TNFRSF1B: variants seen among roughly 807,000 people sequenced by gnomAD.
TNFRSF1B encodes tumor necrosis factor receptor superfamily member 1B.
A neutral mutation model predicts 44.6 loss-of-function variants in TNFRSF1B; 19 were observed. The observed-to-expected ratio is 0.43, with a 90% CI of 0.30 to 0.62. The LOEUF (loss-of-function observed/expected upper bound fraction) is 0.62, where lower values mean the gene tolerates loss of function less well. Ranked by LOEUF, TNFRSF1B falls within the 20% of genes least tolerant of loss-of-function variation. The pLI is 0.16. For missense variants in TNFRSF1B, 541 were observed against 619.9 expected (o/e 0.87, Z 1.35); for synonymous variants, 252 against 261.1 (o/e 0.97, Z 0.34).
intron 9 of TNFRSF1B, among the ~76,000 whole-genome samples, chr1:12,205,234 G>C (rs551871225): frequency 1.3e-5 from 2 of 152,226 alleles, no homozygotes; most frequent in Non-Finnish European, 2.9e-5. Flanking sequence ...CACTAGAGAA[G>C]AGCTCTCTAG....
chr1:12,185,024 G>A (rs1638950019), intron 1 of TNFRSF1B, among the ~76,000 whole-genome samples: 1 of 152,224 alleles, frequency 6.6e-6, no homozygotes, highest in Admixed American at 6.5e-5. Context: ...CTGCCCTTGG[G>A]GAAGCGCCCA....
chr1:12,194,545 G>A (rs1429321144), intron 7 of TNFRSF1B, 39 bp from the exon 8 acceptor site: 2 of 1,613,672 alleles, frequency 1.2e-6, no homozygotes, highest in South Asian at 1.1e-5. Flanking sequence ...ATGTGCCTGA[G>A]GAAGTCAATC....
At position 12,192,946 on chromosome 1, in the gene TNFRSF1B, G is replaced by A. The variant is rs1481054773; in HGVS notation, c.635G>A (p.Gly212Glu). The A allele has an allele frequency of 6.2e-7, 1 of 1,614,010 alleles. No individual in the cohort carries two copies. The highest frequency in any genetic ancestry group is 1.3e-5 in the African/African-American group (1 of 74,884). Reference protein sequence around the residue: ...STSPTRSMAPGAVHLPQPVST... With the variant: ...STSPTRSMAPEAVHLPQPVST... ...TCCCCCACCCGGAGTATGGCCCCAG[G>A]GGCAGTACACTTACCCCAGCCAGTG... Residue 212 changes from glycine (G) to glutamate (E), a missense_variant, in exon 6 of 10, where the codon GGG becomes GAG. By Grantham distance (98) the Gly-to-Glu change is moderately conservative (BLOSUM62 -2). Transcript: ENST00000376259.
intron 3 of TNFRSF1B, 84 bp from the exon 4 acceptor site, chr1:12,191,690 T>G (rs748526489): frequency 6.4e-7 from 1 of 1,573,718 alleles, no homozygotes; most frequent in East Asian, 2.3e-5. Context: ...AGATCCGCTG[T>G]CTGAGAGTGC....
intron 1 of TNFRSF1B, among the ~76,000 whole-genome samples, chr1:12,181,765 C>G (rs1638813648): frequency 6.6e-6 from 1 of 152,218 alleles, no homozygotes; most frequent in Non-Finnish European, 1.5e-5. Flanking sequence ...AATCCACCCT[C>G]TGCTCTCTCC....
In TNFRSF1B at chr1:12,207,045, A is replaced by G. The variant is rs371676482; in HGVS notation, c.*25A>G. ...ACCAGGCCGGTGTGGGCTGTGTCGT[A>G]GCCAAGGTGGGCTGAGCCCTGGCAG... On this transcript the variant is annotated 3_prime_UTR_variant, in exon 10 of 10. Coordinates refer to ENST00000376259, the MANE Select transcript of TNFRSF1B (RefSeq NM_001066.3). 244 of 1,542,850 alleles carry G rather than the reference A, an allele frequency of 1.6e-4. No individual in the cohort carries two copies. The highest frequency in any genetic ancestry group is 5.3e-4 in the Middle Eastern group (3 of 5,620).
intron 3 of TNFRSF1B, 99 bp from the exon 4 acceptor site, chr1:12,191,675 C>T: frequency 1.3e-6 from 2 of 1,519,982 alleles, no homozygotes; most frequent in Non-Finnish European, 1.8e-6. Flanking sequence ...CCGCCAGCCT[C>T]CTGGAGATCC....
chr1:12,183,826 CCTATCTATCTATCTAT>C (rs111395466), intron 1 of TNFRSF1B, among the ~76,000 whole-genome samples: 2 of 124,386 alleles, frequency 1.6e-5, no homozygotes, highest in African/African-American at 3.0e-5. Context: ...ATTCTATCTA[CCTATCTATCTATCTAT>C]CTATCTATCT....
At chr1:12,184,642 G>C (rs1638938442) in intron 1 of TNFRSF1B, among the ~76,000 whole-genome samples, 1 of 152,218 alleles carries the variant, frequency 6.6e-6, no homozygotes, top group African/African-American at 2.4e-5. Flanking sequence ...GTGGCCAGGA[G>C]CCCTCGTCCA....
At position 12,191,801 on chromosome 1, in the gene TNFRSF1B, G is replaced by T; in HGVS notation, c.335G>T (p.Arg112Leu). 3 of 1,613,538 alleles carry T rather than the reference G, an allele frequency of 1.9e-6. No homozygotes were observed. The highest frequency in any genetic ancestry group is 2.5e-6 in the Non-Finnish European group (3 of 1,179,798). ...CAGGTGGAAACTCAAGCCTGCACTC[G>T]GGAACAGAACCGCATCTGCACCTGC... is the stretch of plus-strand genomic sequence containing the variant. Reference protein sequence around the residue: ...SDQVETQACTREQNRICTCRP... With the variant: ...SDQVETQACTLEQNRICTCRP... Residue 112 changes from arginine to leucine, a missense_variant, in exon 4 of 10, where the codon CGG (arginine) becomes CTG (leucine). By Grantham distance (102) the Arg-to-Leu change is moderately radical. Coordinates refer to ENST00000376259, the MANE Select transcript of TNFRSF1B (RefSeq NM_001066.3).
intron 6 of TNFRSF1B, among the ~76,000 whole-genome samples, chr1:12,193,695 C>G (rs977044131): frequency 2.8e-4 from 42 of 152,188 alleles, no homozygotes; most frequent in African/African-American, 1.0e-3. Flanking sequence ...AAGAAGACAG[C>G]GGGCTGGGCC....
chr1:12,183,674 AT>A (rs1638873146), intron 1 of TNFRSF1B, among the ~76,000 whole-genome samples: 7 of 124,462 alleles, frequency 5.6e-5, no homozygotes, highest in African/African-American at 1.9e-4. Context: ...CTATCTATCT[AT>A]CTATCTATCT....
chr1:12,196,937 T>C (rs1639279083), intron 8 of TNFRSF1B, among the ~76,000 whole-genome samples: 1 of 141,786 alleles, frequency 7.1e-6, no homozygotes, highest in Admixed American at 6.9e-5. Flanking sequence ...GCTTCCCTTT[T>C]CCATTTTTTT....
At chr1:12,183,654 T>C (rs1557628598) in intron 1 of TNFRSF1B, among the ~76,000 whole-genome samples, 1 of 127,856 alleles carries the variant, frequency 7.8e-6, no homozygotes, top group African/African-American at 3.0e-5. Context: ...ATTTTATCTA[T>C]TTTATCTATC....
intron 8 of TNFRSF1B, among the ~76,000 whole-genome samples, chr1:12,200,517 C>A (rs1232119981): frequency 6.6e-6 from 1 of 152,184 alleles, no homozygotes; most frequent in Non-Finnish European, 1.5e-5. Context: ...AGCAAGAAAG[C>A]AGCTACATGC....
chr1:12,192,459 G>A lies in TNFRSF1B; in HGVS notation c.486G>A (p.Lys162=). 6.2e-7 allele frequency: 1 copy of A among 1,614,154 alleles called. No individual in the cohort carries two copies. The highest frequency in any genetic ancestry group is 8.5e-7 in the Non-Finnish European group (1 of 1,180,030). The change falls in exon 5 of 10, where the codon AAG becomes AAA. Residue 162 remains lysine (K), a synonymous_variant. Transcript: ENST00000376259. ...CTGAAACATCAGACGTGGTGTGCAA[G>A]CCCTGTGCCCCGGGGACGTTCTCCA... ...PGTETSDVVC[K]PCAPGTFSNT... is the part of the protein sequence containing the mutation.
intron 1 of TNFRSF1B, among the ~76,000 whole-genome samples, chr1:12,181,564 G>A (rs1003934170): frequency 6.6e-6 from 1 of 152,178 alleles, no homozygotes; most frequent in East Asian, 1.9e-4. Context: ...GGTGCACAGA[G>A]CATGCCACGC....
rs1354084689 is a variant in TNFRSF1B, at chr1:12,180,064, C to T, written c.79-8732C>T. Among the ~76,000 whole-genome samples the T allele has an allele frequency of 2.0e-5, 3 of 151,734 alleles. No individual in the cohort carries two copies. The highest frequency in any genetic ancestry group is 4.4e-5 in the Non-Finnish European group (3 of 67,882). ...CGGGTAGATCCCTGCCCAGGGGGGA[C>T]CCCCTGGGGAAGGCTGGGAGCATGA... On this transcript the variant is annotated intron_variant, in intron 1 of 9. Transcript: ENST00000376259. The surrounding 1 kb of genome is among the most constrained non-coding windows in gnomAD (Gnocchi z 4.3).
In TNFRSF1B at chr1:12,201,953, C is replaced by A. The variant is rs778043511; in HGVS notation, c.901-14C>A. On this transcript the variant is annotated splice_polypyrimidine_tract_variant and intron_variant, in intron 8 of 9. Coordinates refer to ENST00000376259, the MANE Select transcript of TNFRSF1B (RefSeq NM_001066.3). The stretch of plus-strand genomic sequence containing the variant: ...GGGCTGACTGCTCTCCCCTACCACC[C>A]CCTGCCCATCCAGCCTCACTTGCCT... 1 of 1,597,548 alleles carries A rather than the reference C, an allele frequency of 6.3e-7. No individual in the cohort carries two copies. Among genetic ancestry groups the A allele is most frequent in the South Asian group, 1.1e-5 (1 of 88,894 alleles).
Sources: gnomAD v4.1 joint callset for allele counts (sites outside exome capture counted in the v4.1 genomes callset) on GRCh38, gnomAD v4.1.1 for gene constraint, Gnocchi (gnomAD v3.1) non-coding constraint, MANE v1.5 for transcripts, NCBI Gene and HGNC (gene_info 2026-07-23, HGNC 2026-07-21) for gene names.